Variants in MAP2K5 observed in about 807,000 individuals in gnomAD.
MAP2K5 encodes dual specificity mitogen-activated protein kinase kinase 5.
In MAP2K5, 49 loss-of-function variants were observed where a neutral mutation model predicts 83.1. That is an observed-to-expected ratio of 0.59 (90% CI 0.47 to 0.75). The LOEUF is 0.75. Ranked by LOEUF, MAP2K5 falls within the 30% of genes least tolerant of loss-of-function variation. MAP2K5 has a pLI of 0.00. For synonymous variants in MAP2K5, 202 were observed against 191.8 expected (o/e 1.05, Z -0.44); for missense variants, 457 against 557.5 (o/e 0.82, Z 1.82).
chr15:67,806,240 T>C (rs1186022961), intron 21 of MAP2K5, among the ~76,000 whole-genome samples: 1 of 152,246 alleles, frequency 6.6e-6, no homozygotes, highest in Non-Finnish European at 1.5e-5. Flanking sequence ...GATTCTTTGG[T>C]CTCTGGGCAC....
rs1596966867 is a variant in MAP2K5 at position 67,783,258 on chromosome 15, G to A, written c.1242+10506G>A. On this transcript the variant is annotated intron_variant, in intron 21 of 21. Transcript: ENST00000178640. The surrounding 1 kb of genome is among the most constrained non-coding windows in gnomAD (Gnocchi z 5.1). ...AGTGAGGAAGGTGAGGGTAGACACAGCCAAGCACAGGATAGAATGTGAGAA... is the reference window on the plus strand; with the variant it reads ...AGTGAGGAAGGTGAGGGTAGACACAACCAAGCACAGGATAGAATGTGAGAA... 6.6e-6 allele frequency among the ~76,000 whole-genome samples: 1 copy of A among 152,180 alleles called. No individual in the cohort carries two copies. Among genetic ancestry groups the A allele is most frequent in the South Asian group, 2.1e-4 (1 of 4,830 alleles).
intron 3 of MAP2K5, among the ~76,000 whole-genome samples, chr15:67,564,726 T>G (rs1372215311): frequency 6.6e-6 from 1 of 152,234 alleles, no homozygotes; most frequent in African/African-American, 2.4e-5. Flanking sequence ...CTGGTATTGA[T>G]AGATTGGCTA....
intron 16 of MAP2K5, among the ~76,000 whole-genome samples, chr15:67,713,059 T>C (rs113611682): frequency 0.017 from 2,608 of 152,226 alleles, 88 homozygotes; most frequent in African/African-American, 0.06. Flanking sequence ...AAATTTTAAA[T>C]TTTAATGTTA....
At chr15:67,628,454 T>A (rs2086379189) in intron 8 of MAP2K5, 2 of 571,702 alleles carry the variant, frequency 3.5e-6, no homozygotes, top group Non-Finnish European at 6.1e-6. Context: ...CTCTCCAGCC[T>A]GGGCGACAGA....
intron 15 of MAP2K5, 81 bp downstream of exon 15, chr15:67,693,649 A>G: frequency 9.6e-7 from 1 of 1,038,532 alleles, no homozygotes. Context: ...TTCTTGAATT[A>G]ATTCCACAGC....
chr15:67,563,177 T>G lies in MAP2K5; in HGVS notation c.185-106T>G. On this transcript the variant is annotated intron_variant, in intron 2 of 21. Coordinates refer to ENST00000178640, the MANE Select transcript of MAP2K5 (RefSeq NM_145160.3). The surrounding 1 kb of genome is among the most constrained non-coding windows in gnomAD (Gnocchi z 4.5). ...ATGTCAACATACCCCCAAAATGTGG[T>G]GTTGAGGGTTAGAATATCACATTGT... The G allele has an allele frequency of 8.3e-7, 1 of 1,201,434 alleles. No individual in the cohort carries two copies. The highest frequency in any genetic ancestry group is 1.1e-6 in the Non-Finnish European group (1 of 896,194). The allele number at this position is 1,201,434 out of a possible 1,614,324, so 74.4% of individuals were successfully genotyped here.
intron 19 of MAP2K5, among the ~76,000 whole-genome samples, chr15:67,763,563 C>T (rs1283919523): frequency 6.6e-6 from 1 of 152,124 alleles, no homozygotes; most frequent in African/African-American, 2.4e-5. Flanking sequence ...GCACCTTGGA[C>T]AGGTTGTTTT....
chr15:67,769,816 A>G lies in MAP2K5; in HGVS notation c.1196+153A>G, dbSNP rs993510681. ...GCAGATGGGGCAGCAAAGCTGAAGA[A>G]ATTGTTTAAATTATGTAAACGTTAT... is the stretch of plus-strand genomic sequence containing the variant. On this transcript the variant is annotated intron_variant, in intron 20 of 21. Transcript: ENST00000178640. The surrounding 1 kb of genome is among the most constrained non-coding windows in gnomAD (Gnocchi z 5.2). 4.7e-6 allele frequency: 3 copies of G among 632,530 alleles called. No homozygotes were observed. Among genetic ancestry groups the G allele is most frequent in the Non-Finnish European group, 8.4e-6 (3 of 359,200 alleles). 39.2% of individuals were successfully genotyped at this position (632,530 alleles called of 1,614,324 possible).
chr15:67,546,513 C>G, intron 1 of MAP2K5: 4,040 of 731,572 alleles, frequency 5.5e-3, no homozygotes, highest in Non-Finnish European at 6.1e-3. Context: ...GTCAGTCGGT[C>G]TCTCTGGGCC....
intron 21 of MAP2K5, among the ~76,000 whole-genome samples, chr15:67,773,793 A>G (rs1057331790): frequency 6.6e-6 from 1 of 152,168 alleles, no homozygotes; most frequent in Non-Finnish European, 1.5e-5. Flanking sequence ...CATGTCTAGA[A>G]TAAACTGGTC....
chr15:67,677,879 C>T lies in MAP2K5; in HGVS notation c.847+13234C>T, dbSNP rs1342339288. Among the ~76,000 whole-genome samples, 2 of 152,202 alleles carry T rather than the reference C, an allele frequency of 1.3e-5. No individual in the cohort carries two copies. Among genetic ancestry groups the T allele is most frequent in the African/African-American group, 4.8e-5 (2 of 41,444 alleles). ...GCCTTTATTGAAGAAGGAAAGGGCACGTTTGTTGCCTCCATTCTGAACCGA... is the reference window on the plus strand; with the variant it reads ...GCCTTTATTGAAGAAGGAAAGGGCATGTTTGTTGCCTCCATTCTGAACCGA... On this transcript the variant is annotated intron_variant, in intron 13 of 21. Transcript: ENST00000178640. This position sits in a 1 kb window ranked among gnomAD's most constrained non-coding sequence, Gnocchi z 4.2.
chr15:67,650,592 A>G (rs1347775514), intron 11 of MAP2K5, among the ~76,000 whole-genome samples: 3 of 150,816 alleles, frequency 2.0e-5, no homozygotes, highest in Non-Finnish European at 4.4e-5. Context: ...ATAATCGTGC[A>G]TATTTGGTCC....
At chr15:67,621,105 G>A (rs2086174325) in intron 8 of MAP2K5, among the ~76,000 whole-genome samples, 1 of 152,068 alleles carries the variant, frequency 6.6e-6, no homozygotes, top group African/African-American at 2.4e-5. Flanking sequence ...AAAGGGTAGG[G>A]GAAGATACCT....
Position 67,705,586 on chromosome 15 carries a change from A to G in MAP2K5, c.1044+2178A>G, listed in dbSNP as rs141259581. 2.0e-5 allele frequency among the ~76,000 whole-genome samples: 3 copies of G among 152,180 alleles called. No homozygotes were observed. In the East Asian group the frequency reaches 5.8e-4, roughly 29 times the overall value. On this transcript the variant is annotated intron_variant, in intron 16 of 21. Coordinates refer to ENST00000178640, the MANE Select transcript of MAP2K5 (RefSeq NM_145160.3). ...CCTGTCTCAACTAAAAATACAAACA[A>G]TTAGCTGGGTGTGGTGGTGTACACC... is the stretch of plus-strand genomic sequence containing the variant.
intron 3 of MAP2K5, among the ~76,000 whole-genome samples, chr15:67,568,346 G>A (rs973808448): frequency 1.3e-5 from 2 of 152,162 alleles, no homozygotes; most frequent in African/African-American, 4.8e-5. Flanking sequence ...CTTATAAATT[G>A]GGATATGATT....
At chr15:67,689,770 A>G (rs892864584) in intron 13 of MAP2K5, among the ~76,000 whole-genome samples, 2 of 152,202 alleles carry the variant, frequency 1.3e-5, no homozygotes, top group African/African-American at 4.8e-5. Flanking sequence ...CTTAAGTCAG[A>G]TGTATCTGAT....
chr15:67,576,344 C>T (rs1228040524), intron 3 of MAP2K5, among the ~76,000 whole-genome samples: 1 of 147,736 alleles, frequency 6.8e-6, no homozygotes, highest in African/African-American at 2.5e-5. Flanking sequence ...TGAATTGTGC[C>T]ATTAGCATTA....
At chr15:67,631,417 T>G (rs1336633449) in intron 9 of MAP2K5, among the ~76,000 whole-genome samples, 1 of 152,210 alleles carries the variant, frequency 6.6e-6, no homozygotes, top group African/African-American at 2.4e-5. Context: ...CACTGTACTT[T>G]CGGTCTTTTC....
rs180869756 is a variant in MAP2K5, at chr15:67,703,334, C to T, written c.973-3C>T. On this transcript the variant is annotated splice_polypyrimidine_tract_variant and splice_region_variant and intron_variant, in intron 15 of 21. Transcript: ENST00000178640. ...TCACAGGCTCCCTTCTGATTTCTTG[C>T]AGCCTGAAAGGATTTCAGGGGAGCA... 1.4e-5 allele frequency: 23 copies of T among 1,611,496 alleles called. No individual in the cohort carries two copies. In the African/African-American group the frequency reaches 1.6e-4, roughly 11 times the overall value.
Sources: allele counts gnomAD v4.1 joint callset (sites outside exome capture counted in the v4.1 genomes callset), GRCh38; gene constraint gnomAD v4.1.1; non-coding constraint Gnocchi (gnomAD v3.1); transcripts MANE v1.5; gene names NCBI Gene and HGNC (gene_info 2026-07-23, HGNC 2026-07-21).